NUP210L: variants seen among roughly 807,000 people sequenced by gnomAD.
NUP210L encodes nuclear pore membrane glycoprotein 210-like.
In NUP210L, 74 loss-of-function variants were observed where a neutral mutation model predicts 208.5. The observed-to-expected ratio is 0.35, with a 90% CI of 0.29 to 0.43. The LOEUF is 0.43. NUP210L is among the 20% of genes least tolerant of loss of function. NUP210L has a pLI of 1.00. For synonymous variants in NUP210L, 780 were observed against 816.9 expected (o/e 0.95, Z 0.77); for missense variants, 1,843 against 2,289.4 (o/e 0.81, Z 3.98).
At chr1:154,001,632 T>C in intron 36 of NUP210L, 103 bp downstream of exon 36, 1 of 1,218,564 alleles carries the variant, frequency 8.2e-7, no homozygotes, top group Non-Finnish European at 1.2e-6. Context: ...TGGTAATTTT[T>C]ATTAGGTCAC....
At chr1:154,012,465 C>T in intron 33 of NUP210L, 95 bp from the exon 34 acceptor site, 1 of 1,174,528 alleles carries the variant, frequency 8.5e-7, no homozygotes, top group Non-Finnish European at 1.2e-6. Context: ...CCAAAAGTAT[C>T]TGTTTCACAC....
At chr1:154,061,864 C>T (rs551134480) in intron 17 of NUP210L, among the ~76,000 whole-genome samples, 190 bp from the exon 18 acceptor site, 9 of 152,164 alleles carry the variant, frequency 5.9e-5, no homozygotes, top group South Asian at 2.1e-4. Flanking sequence ...GATGGAGTGT[C>T]GCTGTGTTGC....
At chr1:154,026,492 GCA>G (rs1433275964) in intron 29 of NUP210L, among the ~76,000 whole-genome samples, 1 of 151,962 alleles carries the variant, frequency 6.6e-6, no homozygotes, top group Non-Finnish European at 1.5e-5. Flanking sequence ...GGGATTACAG[GCA>G]TGTGCAACCA....
intron 5 of NUP210L, 112 bp downstream of exon 5, chr1:154,139,690 A>G (rs185615709): frequency 3.5e-5 from 18 of 510,592 alleles, no homozygotes; most frequent in Non-Finnish European, 5.1e-5. Flanking sequence ...AAACAAACAA[A>G]AAAAAAAAAA....
At chr1:154,100,075 G>C (rs1241329777) in exon 14 of NUP210L, 2 of 1,613,928 alleles carry the variant, frequency 1.2e-6, no homozygotes, top group East Asian at 2.2e-5. Context: ...ACTGTTACCA[G>C]AGTATGGCCA....
intron 37 of NUP210L, chr1:153,995,657 G>A (rs1056820240): frequency 2.5e-5 from 33 of 1,322,454 alleles, no homozygotes; most frequent in Middle Eastern, 2.6e-4. Context: ...ACATACCAAC[G>A]TAGGCTTTCC....
chr1:153,996,209 G>A (rs1052220875), intron 37 of NUP210L, among the ~76,000 whole-genome samples: 5 of 152,086 alleles, frequency 3.3e-5, no homozygotes, highest in South Asian at 4.2e-4. Context: ...GAAGAATGGC[G>A]TGAACCCGGG....
intron 23 of NUP210L, among the ~76,000 whole-genome samples, chr1:154,055,171 C>CTTTCTT (rs767016306): frequency 8.6e-6 from 1 of 116,386 alleles, no homozygotes; most frequent in African/African-American, 3.0e-5. Flanking sequence ...TTCTTTCTTT[C>CTTTCTT]TTTCTTTCTT....
intron 2 of NUP210L, among the ~76,000 whole-genome samples, chr1:154,144,369 G>T (rs1429581385): frequency 6.6e-6 from 1 of 152,118 alleles, no homozygotes; most frequent in Non-Finnish European, 1.5e-5. Flanking sequence ...GCAACTGTAA[G>T]TCAGTCCTAT....
chr1:154,103,893 G>C (rs1485556458), intron 13 of NUP210L, 119 bp downstream of exon 13: 2 of 713,344 alleles, frequency 2.8e-6, no homozygotes, highest in East Asian at 2.6e-5. Context: ...ACTATAATTG[G>C]TAGTTTCTGA....
chr1:154,151,894 G>C (rs922497183), intron 2 of NUP210L, among the ~76,000 whole-genome samples: 1 of 151,656 alleles, frequency 6.6e-6, no homozygotes, highest in Non-Finnish European at 1.5e-5. Flanking sequence ...TTTGAGACCA[G>C]CCTGACCAAC....
At chr1:154,070,092 C>A (rs532319884) in intron 17 of NUP210L, among the ~76,000 whole-genome samples, 181 bp downstream of exon 17, 1 of 152,064 alleles carries the variant, frequency 6.6e-6, no homozygotes, top group Non-Finnish European at 1.5e-5. Flanking sequence ...AGGAGAAATA[C>A]CTAATGTAAA....
intron 12 of NUP210L, among the ~76,000 whole-genome samples, chr1:154,107,213 C>G (rs1269228538): frequency 6.6e-6 from 1 of 152,056 alleles, no homozygotes; most frequent in Non-Finnish European, 1.5e-5. Flanking sequence ...AATTAACATA[C>G]TAAAGAAATC....
intron 27 of NUP210L, among the ~76,000 whole-genome samples, chr1:154,035,538 C>T (rs1020341185): frequency 1.3e-5 from 2 of 151,506 alleles, no homozygotes; most frequent in East Asian, 2.0e-4. Context: ...TCTGGGATTA[C>T]GGGCACTTGC....
chr1:154,081,252 A>G (rs1655309912), intron 16 of NUP210L, among the ~76,000 whole-genome samples: 1 of 152,146 alleles, frequency 6.6e-6, no homozygotes, highest in African/African-American at 2.4e-5. Flanking sequence ...AAGATGTATC[A>G]TGCAAACAGT....
At chr1:154,046,979 A>G (rs1172683680) in intron 25 of NUP210L, among the ~76,000 whole-genome samples, 1 of 152,090 alleles carries the variant, frequency 6.6e-6, no homozygotes, top group Non-Finnish European at 1.5e-5. Context: ...AGTCGTTTGA[A>G]TCCGGGAGGC....
chr1:154,027,481 C>A (rs1256551879), intron 29 of NUP210L, 25 bp downstream of exon 29: 2 of 1,492,698 alleles, frequency 1.3e-6, no homozygotes, highest in Non-Finnish European at 1.9e-6. Context: ...GATCCTGGCA[C>A]TTCCTTATTC....
intron 17 of NUP210L, among the ~76,000 whole-genome samples, chr1:154,064,086 G>A (rs1249936939): frequency 6.6e-6 from 1 of 151,308 alleles, no homozygotes; most frequent in Non-Finnish European, 1.5e-5. Context: ...AGAGGTGGTG[G>A]GGGGTCTCAC....
chr1:153,993,123 T>C (rs752425725), intron 38 of NUP210L, 34 bp from the exon 39 acceptor site: 1 of 1,526,480 alleles, frequency 6.6e-7, no homozygotes, highest in Non-Finnish European at 9.0e-7. Context: ...ACAAGGCATA[T>C]CTGAGGAAGG....
Sources: allele counts gnomAD v4.1 joint callset (sites outside exome capture counted in the v4.1 genomes callset), GRCh38; gene constraint gnomAD v4.1.1; transcripts MANE v1.5; gene names NCBI Gene and HGNC (gene_info 2026-07-23, HGNC 2026-07-21).